The following PCNX2 variants were observed in gnomAD, a reference collection of about 807,000 sequenced individuals.
PCNX2 encodes pecanex-like protein 2.
A neutral mutation model predicts 223.8 loss-of-function variants in PCNX2; 168 were observed. The ratio of observed to expected loss-of-function variants is 0.75; its 90% CI spans 0.66 to 0.85. The LOEUF (loss-of-function observed/expected upper bound fraction) is 0.85. Among genes scored for constraint, PCNX2 ranks in the 40% least tolerant of loss-of-function variants. PCNX2 has a pLI of 0.00. For missense variants in PCNX2, 2,507 were observed against 2,675.5 expected (o/e 0.94, Z 1.39); for synonymous variants, 1,006 against 1,052.6 (o/e 0.96, Z 0.86).
the PCNX2 span, among the ~76,000 whole-genome samples, chr1:233,310,620 C>T: frequency 6.6e-6 from 1 of 152,194 alleles, no homozygotes; most frequent in Admixed American, 6.5e-5. Flanking sequence ...CTTCTGCTGG[C>T]TGGGTGCTCA....
chr1:233,100,782 G>C (rs1311704545), intron 21 of PCNX2, among the ~76,000 whole-genome samples: 1 of 152,132 alleles, frequency 6.6e-6, no homozygotes, highest in Non-Finnish European at 1.5e-5. Context: ...ACATCCATTT[G>C]ATTAAAGTGC....
At chr1:233,099,468 G>T (rs1334684469) in intron 21 of PCNX2, among the ~76,000 whole-genome samples, 1 of 152,124 alleles carries the variant, frequency 6.6e-6, no homozygotes, top group Non-Finnish European at 1.5e-5. Flanking sequence ...TACCCAAAAA[G>T]CCTGATGACA....
In PCNX2 at chr1:233,140,043, AAAT is replaced by A. The variant is rs1677017643; in HGVS notation, c.3518-191_3518-189del. 2.0e-5 allele frequency among the ~76,000 whole-genome samples: 3 copies of A among 149,808 alleles called. No individual in the cohort carries two copies. The Admixed American group carries it at 2.0e-4, about 10-fold the overall frequency. ...TTAGCTTTGCTTCTACACAGTTCAT[AAAT>A]AATAATATACATACAGTAATATAGG... is the stretch of plus-strand genomic sequence containing the variant. On this transcript the variant is annotated intron_variant, in intron 19 of 33. Coordinates refer to ENST00000258229, the MANE Select transcript of PCNX2 (RefSeq NM_014801.4).
chr1:233,315,135 C>G, the PCNX2 span, among the ~76,000 whole-genome samples: 11 of 152,114 alleles, frequency 7.2e-5, no homozygotes, highest in African/African-American at 2.7e-4. Flanking sequence ...TTAGATAAAG[C>G]AGCAACGGGA....
chr1:233,030,153 T>G (rs1671215743), intron 25 of PCNX2, among the ~76,000 whole-genome samples: 1 of 152,244 alleles, frequency 6.6e-6, no homozygotes, highest in Non-Finnish European at 1.5e-5. Flanking sequence ...TGCATCAGAC[T>G]GGATAGTCTC....
chr1:233,079,480 A>T (rs1279601512), intron 23 of PCNX2, among the ~76,000 whole-genome samples: 2 of 150,538 alleles, frequency 1.3e-5, no homozygotes, highest in Non-Finnish European at 2.9e-5. Flanking sequence ...ATGAGCCGAG[A>T]TCATGCCATT....
intron 19 of PCNX2, among the ~76,000 whole-genome samples, chr1:233,159,156 A>C (rs1264672081): frequency 6.6e-6 from 1 of 152,040 alleles, no homozygotes; most frequent in Non-Finnish European, 1.5e-5. Flanking sequence ...CCCTCCCTGC[A>C]CTTCTAAACC....
At chr1:233,297,167 A>G (rs1243030023), upstream of PCNX2, among the ~76,000 whole-genome samples, 1 of 152,180 alleles carries the variant, frequency 6.6e-6, no homozygotes, top group Non-Finnish European at 1.5e-5. Context: ...ACATTAAAGG[A>G]GCGCCGTCAC....
chr1:233,004,826 C>T (rs1388162264), intron 28 of PCNX2, among the ~76,000 whole-genome samples: 1 of 152,190 alleles, frequency 6.6e-6, no homozygotes, highest in Non-Finnish European at 1.5e-5. Context: ...GGCTTCAAGG[C>T]TTCAGAGCAG....
chr1:233,089,854 AT>A, intron 23 of PCNX2: 2 of 1,317,792 alleles, frequency 1.5e-6, no homozygotes, highest in Non-Finnish European at 1.9e-6. Flanking sequence ...TCGTTGGCTA[AT>A]TTGAAATCAG....
At chr1:233,270,797 C>G (rs1458258615) in intron 1 of PCNX2, among the ~76,000 whole-genome samples, 1 of 151,968 alleles carries the variant, frequency 6.6e-6, no homozygotes, top group Non-Finnish European at 1.5e-5. Context: ...AGAGAGGTGA[C>G]AAGTGAGTGT....
At chr1:232,988,523 AT>A (rs1669576943) in intron 32 of PCNX2, among the ~76,000 whole-genome samples, 1 of 152,086 alleles carries the variant, frequency 6.6e-6, no homozygotes, top group Non-Finnish European at 1.5e-5. Context: ...AATTTAACTT[AT>A]TTTGCAAATA....
At chr1:233,186,980 A>C (rs1680133223) in intron 15 of PCNX2, among the ~76,000 whole-genome samples, 1 of 152,194 alleles carries the variant, frequency 6.6e-6, no homozygotes, top group Non-Finnish European at 1.5e-5. Flanking sequence ...GTTATCTGTA[A>C]TTATTCAATC....
At chr1:233,186,248 T>C (rs542287970) in intron 15 of PCNX2, among the ~76,000 whole-genome samples, 67 of 152,284 alleles carry the variant, frequency 4.4e-4, no homozygotes, top group Non-Finnish European at 1.9e-4. Context: ...ATTTTTGAGA[T>C]TGAGGTTTTA....
In PCNX2 at chr1:233,200,218, C is replaced by T. The variant is rs766626792; in HGVS notation, c.2910G>A (p.Pro970=). Reference sequence around the variant, plus strand: ...GATAAGTGCAGAAAGTGTTGATTTGCGGGAAGAGCCCAAGGAGGGAAATAG... The same window carrying T: ...GATAAGTGCAGAAAGTGTTGATTTGTGGGAAGAGCCCAAGGAGGGAAATAG... ...FPAISLLGLF[P]QINTFCTYLL... is the part of the protein sequence containing the mutation. Residue 970 remains proline (P), a synonymous_variant, in exon 14 of 34, where the codon CCG becomes CCA. Transcript: ENST00000258229. 23 of 1,592,382 alleles carry T rather than the reference C, an allele frequency of 1.4e-5. No individual in the cohort carries two copies. The highest frequency in any genetic ancestry group is 3.3e-4 in the Middle Eastern group (2 of 6,036).
At chr1:233,197,511 T>G (rs1572058678) in intron 15 of PCNX2, among the ~76,000 whole-genome samples, 1 of 152,272 alleles carries the variant, frequency 6.6e-6, no homozygotes, top group African/African-American at 2.4e-5. Flanking sequence ...CCGGAAACAC[T>G]GTTTAGATAA....
At chr1:233,130,986 C>T (rs1435156043) in intron 21 of PCNX2, among the ~76,000 whole-genome samples, 1 of 152,150 alleles carries the variant, frequency 6.6e-6, no homozygotes, top group Non-Finnish European at 1.5e-5. Context: ...CTAATCACTT[C>T]TCTCCTCTGT....
chr1:233,306,179 A>C, the PCNX2 span, among the ~76,000 whole-genome samples: 1 of 152,240 alleles, frequency 6.6e-6, no homozygotes, highest in African/African-American at 2.4e-5. Flanking sequence ...GCGTTTTATA[A>C]TGATTAAAGG....
intron 19 of PCNX2, among the ~76,000 whole-genome samples, chr1:233,142,110 T>C (rs1269316306): frequency 6.6e-6 from 1 of 152,212 alleles, no homozygotes; most frequent in Non-Finnish European, 1.5e-5. Flanking sequence ...AGTATAATTT[T>C]TTCTGGAGTA....
Sources: gnomAD v4.1 joint callset for allele counts (sites outside exome capture counted in the v4.1 genomes callset) on GRCh38, gnomAD v4.1.1 for gene constraint, MANE v1.5 for transcripts, NCBI Gene and HGNC (gene_info 2026-07-23, HGNC 2026-07-21) for gene names.